PDIA2: variants seen among roughly 807,000 people sequenced by gnomAD.
PDIA2 encodes protein disulfide-isomerase A2.
Under a neutral mutation model 51.1 loss-of-function variants are expected in PDIA2, and 76 were observed. The ratio of observed to expected loss-of-function variants is 1.49; its 90% confidence interval spans 1.24 to 1.80. The LOEUF (loss-of-function observed/expected upper bound fraction) is 1.80, where lower values mean the gene tolerates loss of function less well. PDIA2 is among the 40% of genes most tolerant of loss of function. PDIA2 has a pLI of 0.00. For synonymous variants in PDIA2, 429 were observed against 309.9 expected, an observed-to-expected ratio of 1.38 and a Z score of -4.04; for missense variants, 946 against 706.5, an observed-to-expected ratio of 1.34 and a Z score of -3.84.
At chr16:285,987 AACCCCGCG>A in intron 7 of PDIA2, among the ~76,000 whole-genome samples, 1 of 29,652 alleles carries the variant, frequency 3.4e-5, no homozygotes, top group East Asian at 1.0e-3. Context: ...CGGTTCTCCC[AACCCCGCG>A]GTTCTCCCAA....
rs2052386870 is a variant in PDIA2 at position 286,703 on chromosome 16, C to G, written c.1390C>G (p.Leu464Val). 10 of 1,610,552 alleles carry G rather than the reference C, an allele frequency of 6.2e-6. No homozygotes were observed. The highest frequency in any genetic ancestry group is 7.6e-6 in the Non-Finnish European group (9 of 1,178,942). ...DAFAVHGFPT[L>V]KYFPAGPGRK... ...CTTCGCTGTGCACGGCTTCCCTACTCTCAAGTACTTCCCAGCAGGGCCAGG... is the reference window on the plus strand; with the variant it reads ...CTTCGCTGTGCACGGCTTCCCTACTGTCAAGTACTTCCCAGCAGGGCCAGG... The change falls in exon 9 of 11, where the codon CTC becomes GTC. Residue 464 changes from leucine (L) to valine (V), a missense_variant. Transcript: ENST00000219406.
chr16:286,196 CCCGCACAGGACCT>C, intron 7 of PDIA2, among the ~76,000 whole-genome samples, 144 bp from the exon 8 acceptor site: 1 of 22,460 alleles, frequency 4.5e-5, no homozygotes, highest in Non-Finnish European at 9.2e-5. Context: ...TGCCCCCGGC[CCCGCACAGGACCT>C]CCCCCCCACC....
Position 284,804 on chromosome 16 carries a change from G to A in PDIA2, c.540+12G>A, listed in dbSNP as rs1047610997. 7.6e-6 allele frequency: 12 copies of A among 1,584,696 alleles called. No individual in the cohort carries two copies. Among genetic ancestry groups the A allele is most frequent in the Non-Finnish European group, 1.0e-5 (12 of 1,167,784 alleles). Reference sequence around the variant, plus strand: ...TTGGCTTCTTCCAGGTGAGCCACTGGGCATGGGGGGCCGGGCCATGAGGGC... The same window carrying A: ...TTGGCTTCTTCCAGGTGAGCCACTGAGCATGGGGGGCCGGGCCATGAGGGC... On this transcript the variant is annotated intron_variant, in intron 3 of 10. Coordinates refer to ENST00000219406, the MANE Select transcript of PDIA2 (RefSeq NM_006849.4).
In PDIA2 at chr16:286,382, T is replaced by A. The variant is rs749128114; in HGVS notation, c.1149T>A (p.Pro383=). The change falls in exon 8 of 11, where the codon CCT becomes CCA. Residue 383 remains proline, a synonymous_variant. Transcript: ENST00000219406. ...KPYLLSQEIP[P]DWDQRPVKTL... ...ATCTCCTGAGCCAGGAGATACCCCCTGATTGGGATCAGCGGCCAGTTAAGA... is the reference window on the plus strand; with the variant it reads ...ATCTCCTGAGCCAGGAGATACCCCCAGATTGGGATCAGCGGCCAGTTAAGA... 1.9e-6 allele frequency: 3 copies of A among 1,554,118 alleles called. No individual in the cohort carries two copies. The highest frequency in any genetic ancestry group is 1.7e-6 in the Non-Finnish European group (2 of 1,146,452).
chr16:284,324 A>G (rs933454822), intron 1 of PDIA2, 63 bp from the exon 2 acceptor site: 6 of 1,445,950 alleles, frequency 4.1e-6, no homozygotes, highest in African/African-American at 2.8e-5. Context: ...CTGGGTTGTC[A>G]GGTGTGGAGA....
rs749460401 is a variant in PDIA2 at position 285,563 on chromosome 16, G to A, written c.979G>A (p.Gly327Arg). Reference protein sequence around the residue: ...ADNEHVLQYFGLKAEAAPTLR... With the variant: ...ADNEHVLQYFRLKAEAAPTLR... Reference sequence around the variant, plus strand: ...CAATGAGCACGTGCTGCAGTACTTTGGACTCAAGGCTGAGGCAGCCCCCAC... The same window carrying A: ...CAATGAGCACGTGCTGCAGTACTTTAGACTCAAGGCTGAGGCAGCCCCCAC... The change falls in exon 7 of 11, where the codon GGA becomes AGA. Residue 327 changes from glycine (G) to arginine (R), a missense_variant. Transcript: ENST00000219406. 6.2e-7 allele frequency: 1 copy of A among 1,613,146 alleles called. No homozygotes were observed. Among genetic ancestry groups the A allele is most frequent in the Non-Finnish European group, 8.5e-7 (1 of 1,179,948 alleles).
chr16:286,828 T>C lies in PDIA2; in HGVS notation c.1423-7T>C. ...CGTGTCCTCCAGATCCCCCTGCCTC[T>C]TCTCAGGTGATTGAATACAAAAGCA... On this transcript the variant is annotated splice_region_variant and splice_polypyrimidine_tract_variant and intron_variant, in intron 9 of 10. Coordinates refer to ENST00000219406, the MANE Select transcript of PDIA2 (RefSeq NM_006849.4). 2 of 1,611,172 alleles carry C rather than the reference T, an allele frequency of 1.2e-6. No individual in the cohort carries two copies. Among genetic ancestry groups the C allele is most frequent in the Non-Finnish European group, 1.7e-6 (2 of 1,179,264 alleles).
chr16:285,533 G>A lies in PDIA2; in HGVS notation c.949G>A (p.Ala317Thr), dbSNP rs1185975678. 2.5e-6 allele frequency: 4 copies of A among 1,612,950 alleles called. No individual in the cohort carries two copies. Among genetic ancestry groups the A allele is most frequent in the Non-Finnish European group, 2.5e-6 (3 of 1,179,934 alleles). The change falls in exon 7 of 11, where the codon GCC becomes ACC. Residue 317 changes from alanine to threonine, a missense_variant. Physicochemically the swap from Ala to Thr is moderately conservative, Grantham distance 58. Coordinates refer to ENST00000219406, the MANE Select transcript of PDIA2 (RefSeq NM_006849.4). ...QVLFVVVDVAADNEHVLQYFG... is the reference protein window; with the variant it reads ...QVLFVVVDVATDNEHVLQYFG... ...GCTGTTCGTGGTGGTGGACGTGGCG[G>A]CCGACAATGAGCACGTGCTGCAGTA...
At position 286,604 on chromosome 16, in the gene PDIA2, T is replaced by C. The variant is rs749425285; in HGVS notation, c.1291T>C (p.Leu431=). 10 of 1,612,542 alleles carry C rather than the reference T, an allele frequency of 6.2e-6. No homozygotes were observed. The Admixed American group carries it at 1.0e-4, about 16-fold the overall frequency. Residue 431 remains leucine, a synonymous_variant, in exon 9 of 11, where the codon TTG becomes CTG. Transcript: ENST00000219406. Reference sequence around the variant, plus strand: ...GGAGATGGCCCCTGCCTGGGAGGCATTGGCTGAGAAGTACCAAGACCACGA... The same window carrying C: ...GGAGATGGCCCCTGCCTGGGAGGCACTGGCTGAGAAGTACCAAGACCACGA... ...CKEMAPAWEA[L]AEKYQDHEDI... is the part of the protein sequence containing the mutation.
In PDIA2 at chr16:284,681, T is replaced by G; in HGVS notation, c.429T>G (p.Ile143Met). 1 of 1,590,306 alleles carries G rather than the reference T, an allele frequency of 6.3e-7. No individual in the cohort carries two copies. The highest frequency in any genetic ancestry group is 1.3e-5 in the African/African-American group (1 of 74,890). The change falls in exon 3 of 11, where the codon ATT becomes ATG. Residue 143 changes from isoleucine to methionine, a missense_variant. Coordinates refer to ENST00000219406, the MANE Select transcript of PDIA2 (RefSeq NM_006849.4). ...EYTGPRDAEGIAEWLRRRVGP... is the reference protein window; with the variant it reads ...EYTGPRDAEGMAEWLRRRVGP... ...CAGGACCACGGGACGCTGAGGGCAT[T>G]GCCGAGTGGCTGCGACGGCGGGTGG... is the stretch of plus-strand genomic sequence containing the variant.
chr16:284,757 G>C lies in PDIA2; in HGVS notation c.505G>C (p.Gly169Arg). The change falls in exon 3 of 11, where the codon GGT becomes CGT. Residue 169 changes from glycine to arginine, a missense_variant. Gly to Arg is a moderately radical substitution (Grantham distance 125, BLOSUM62 -2). Coordinates refer to ENST00000219406, the MANE Select transcript of PDIA2 (RefSeq NM_006849.4). Reference sequence around the variant, plus strand: ...CGAGGCGGCCGCCCAGGCGCTGATCGGTGGCCGGGACCTAGTGGTCATTGG... The same window carrying C: ...CGAGGCGGCCGCCCAGGCGCTGATCCGTGGCCGGGACCTAGTGGTCATTGG... ...EDEAAAQALI[G>R]GRDLVVIGFF... 1.3e-6 allele frequency: 2 copies of C among 1,563,300 alleles called. No homozygotes were observed. Among genetic ancestry groups the C allele is most frequent in the Non-Finnish European group, 1.7e-6 (2 of 1,159,496 alleles).
At position 286,815 on chromosome 16, in the gene PDIA2, A is replaced by G; in HGVS notation, c.1423-20A>G. 6.2e-7 allele frequency: 1 copy of G among 1,611,238 alleles called. No individual in the cohort carries two copies. The highest frequency in any genetic ancestry group is 8.5e-7 in the Non-Finnish European group (1 of 1,179,250). ...GGGCTGGGCCCCACGTGTCCTCCAG[A>G]TCCCCCTGCCTCTTCTCAGGTGATT... On this transcript the variant is annotated intron_variant, in intron 9 of 10. Coordinates refer to ENST00000219406, the MANE Select transcript of PDIA2 (RefSeq NM_006849.4).
intron 1 of PDIA2, among the ~76,000 whole-genome samples, chr16:283,856 G>A (rs953657317): frequency 2.6e-5 from 4 of 152,192 alleles, no homozygotes; most frequent in African/African-American, 9.6e-5. Flanking sequence ...GCACGAAAGG[G>A]AGGGGTCTTT....
At chr16:283,631 A>G (rs2052315761) in intron 1 of PDIA2, among the ~76,000 whole-genome samples, 1 of 152,224 alleles carries the variant, frequency 6.6e-6, no homozygotes, top group African/African-American at 2.4e-5. Context: ...CCACGGTGCC[A>G]GAGTCACCAC....
intron 7 of PDIA2, 50 bp downstream of exon 7, chr16:285,753 C>T (rs1172096379): frequency 6.4e-7 from 1 of 1,574,748 alleles, no homozygotes; most frequent in Admixed American, 1.8e-5. Context: ...CCTCATCCCA[C>T]CAGCTTGGCA....
chr16:284,056 T>C (rs936944409), intron 1 of PDIA2: 1 of 386,354 alleles, frequency 2.6e-6, no homozygotes, highest in Non-Finnish European at 4.9e-6. Flanking sequence ...TTAGTAGAGA[T>C]GGGGTTTCTC....
rs779246274 is a variant in PDIA2, at chr16:286,627, C to G, written c.1314C>G (p.His438Gln). 2 of 1,612,622 alleles carry G rather than the reference C, an allele frequency of 1.2e-6. No homozygotes were observed. The highest frequency in any genetic ancestry group is 1.1e-5 in the South Asian group (1 of 90,890). The change falls in exon 9 of 11, where the codon CAC (histidine) becomes CAG (glutamine). Residue 438 changes from histidine to glutamine, a missense_variant. Coordinates refer to ENST00000219406, the MANE Select transcript of PDIA2 (RefSeq NM_006849.4). Reference protein sequence around the residue: ...WEALAEKYQDHEDIIIAELDA... With the variant: ...WEALAEKYQDQEDIIIAELDA... ...CATTGGCTGAGAAGTACCAAGACCACGAGGACATCATCATTGCTGAGCTGG... is the reference window on the plus strand; with the variant it reads ...CATTGGCTGAGAAGTACCAAGACCAGGAGGACATCATCATTGCTGAGCTGG...
Position 283,367 on chromosome 16 carries a change from C to G in PDIA2, c.198C>G (p.Phe66Leu). 3 of 1,594,054 alleles carry G rather than the reference C, an allele frequency of 1.9e-6. No homozygotes were observed. The highest frequency in any genetic ancestry group is 1.7e-6 in the Non-Finnish European group (2 of 1,170,662). ...LREHPALLVE[F>L]YAPWCGHCQA... Reference sequence around the variant, plus strand: ...AGCACCCTGCCCTGCTGGTGGAATTCTGTGAGTGCTGGGGCCAGTGGGGCT... The same window carrying G: ...AGCACCCTGCCCTGCTGGTGGAATTGTGTGAGTGCTGGGGCCAGTGGGGCT... Residue 66 changes from phenylalanine (F) to leucine (L), a missense_variant and splice_region_variant, in exon 1 of 11, where the codon TTC becomes TTG. Coordinates refer to ENST00000219406, the MANE Select transcript of PDIA2 (RefSeq NM_006849.4).
rs1478473384 is a variant in PDIA2 at position 284,525 on chromosome 16, G to C, written c.338G>C (p.Gly113Ala). 1 of 1,612,358 alleles carries C rather than the reference G, an allele frequency of 6.2e-7. No individual in the cohort carries two copies. The highest frequency in any genetic ancestry group is 1.3e-5 in the African/African-American group (1 of 74,936). Reference protein sequence around the residue: ...PAQRELAEEFGVTEYPTLKFF... With the variant: ...PAQRELAEEFAVTEYPTLKFF... ...CAGCGCGAGCTGGCTGAGGAGTTTG[G>C]TGTGACGGAGTACCCTACGCTCAAG... The change falls in exon 2 of 11, where the codon GGT becomes GCT. Residue 113 changes from glycine (G) to alanine (A), a missense_variant. Transcript: ENST00000219406.
Sources: gnomAD v4.1 joint callset for allele counts (sites outside exome capture counted in the v4.1 genomes callset) on GRCh38, gnomAD v4.1.1 for gene constraint, MANE v1.5 for transcripts, NCBI Gene and HGNC (gene_info 2026-07-23, HGNC 2026-07-21) for gene names.